The following CLSTN2 variants were observed in gnomAD, a reference collection of about 807,000 sequenced individuals.
The protein encoded by CLSTN2 is calsyntenin 2.
A neutral mutation model predicts 101.2 loss-of-function variants in CLSTN2; 48 were observed. That is an observed-to-expected ratio of 0.47 (90% confidence interval 0.38 to 0.60). The LOEUF is 0.60. Ranked by LOEUF, CLSTN2 falls within the 20% of genes least tolerant of loss-of-function variation. CLSTN2 has a pLI of 0.00. For synonymous variants in CLSTN2, 481 were observed against 463.6 expected, an observed-to-expected ratio of 1.04 and a Z score of -0.48; for missense variants, 1,160 against 1,238.2, an observed-to-expected ratio of 0.94 and a Z score of 0.95.
intron 2 of CLSTN2, among the ~76,000 whole-genome samples, chr3:140,214,269 A>G (rs890949533): frequency 6.6e-6 from 1 of 152,010 alleles, no homozygotes; most frequent in Non-Finnish European, 1.5e-5. Context: ...GTGAAACCCC[A>G]TCTCTACTGA....
intron 2 of CLSTN2, among the ~76,000 whole-genome samples, chr3:140,188,797 C>A (rs974092123): frequency 2.0e-5 from 3 of 152,096 alleles, no homozygotes; most frequent in African/African-American, 7.2e-5. Context: ...TACTCAGTTT[C>A]CCCCAGTGAT....
At chr3:140,012,873 G>T (rs2007116739) in intron 1 of CLSTN2, among the ~76,000 whole-genome samples, 1 of 152,232 alleles carries the variant, frequency 6.6e-6, no homozygotes, top group African/African-American at 2.4e-5. Flanking sequence ...AAATTTCAAG[G>T]TGTATCTGAA....
At chr3:140,169,783 A>G (rs934809536) in intron 1 of CLSTN2, among the ~76,000 whole-genome samples, 22 of 152,110 alleles carry the variant, frequency 1.4e-4, no homozygotes, top group Admixed American at 1.4e-3. Context: ...GAAGCTGGGT[A>G]GAACATTTCT....
chr3:140,422,171 C>T (rs1330575156), intron 5 of CLSTN2, among the ~76,000 whole-genome samples: 1 of 138,974 alleles, frequency 7.2e-6, no homozygotes, highest in Non-Finnish European at 1.5e-5. Context: ...CTTATATTCT[C>T]ATATTTTCTC....
At chr3:139,992,950 C>T (rs1255689133) in intron 1 of CLSTN2, among the ~76,000 whole-genome samples, 3 of 152,202 alleles carry the variant, frequency 2.0e-5, no homozygotes, top group Non-Finnish European at 2.9e-5. Flanking sequence ...CTTCTGCATC[C>T]TATTGGGACG....
At chr3:140,131,306 T>TA (rs1459638026) in intron 1 of CLSTN2, among the ~76,000 whole-genome samples, 7 of 13,854 alleles carry the variant, frequency 5.1e-4, no homozygotes, top group Admixed American at 2.5e-3. Context: ...TTCTTTATGA[T>TA]TTTTTTTTAA....
intron 1 of CLSTN2, among the ~76,000 whole-genome samples, chr3:139,957,315 A>G (rs1576376128): frequency 1.3e-5 from 2 of 152,228 alleles, no homozygotes; most frequent in African/African-American, 2.4e-5. Context: ...GGATGCCCTC[A>G]TCTTCTCCCT....
At chr3:140,062,967 A>C (rs566615256) in intron 1 of CLSTN2, among the ~76,000 whole-genome samples, 1 of 152,322 alleles carries the variant, frequency 6.6e-6, no homozygotes, top group Non-Finnish European at 1.5e-5. Flanking sequence ...ATTGAAGTAG[A>C]GTTATCAAAA....
intron 2 of CLSTN2, among the ~76,000 whole-genome samples, chr3:140,213,814 G>A (rs1239873205): frequency 6.6e-6 from 1 of 152,062 alleles, no homozygotes; most frequent in Non-Finnish European, 1.5e-5. Context: ...GTAAGATTGG[G>A]GCTCGAATCC....
intron 8 of CLSTN2, among the ~76,000 whole-genome samples, chr3:140,494,291 A>C (rs977337087): frequency 1.3e-5 from 2 of 152,194 alleles, no homozygotes; most frequent in African/African-American, 2.4e-5. Context: ...GCAAAAGTTT[A>C]TGACGTTCTC....
At chr3:140,337,972 C>G (rs2087458887) in intron 2 of CLSTN2, among the ~76,000 whole-genome samples, 1 of 152,254 alleles carries the variant, frequency 6.6e-6, no homozygotes, top group Admixed American at 6.5e-5. Flanking sequence ...AGTCATGGAG[C>G]TAGGGAGTGA....
intron 2 of CLSTN2, among the ~76,000 whole-genome samples, chr3:140,267,271 ATGAGGAGAATGCAGCT>A (rs1184810033): frequency 6.6e-6 from 1 of 152,190 alleles, no homozygotes; most frequent in African/African-American, 2.4e-5. Context: ...AAAAAGCAGA[ATGAGGAGAATGCAGCT>A]TGAGGAGAAA....
intron 2 of CLSTN2, among the ~76,000 whole-genome samples, chr3:140,247,466 C>A (rs2086527417): frequency 6.6e-6 from 1 of 152,152 alleles, no homozygotes; most frequent in African/African-American, 2.4e-5. Flanking sequence ...TTACATGAAG[C>A]CACTTTTATT....
At chr3:140,478,117 T>A (rs1934026686) in intron 8 of CLSTN2, among the ~76,000 whole-genome samples, 1 of 152,232 alleles carries the variant, frequency 6.6e-6, no homozygotes, top group African/African-American at 2.4e-5. Flanking sequence ...CTGGTTTATT[T>A]CTTTCACTGC....
chr3:140,192,252 A>G (rs2107836877), intron 2 of CLSTN2, among the ~76,000 whole-genome samples: 1 of 151,980 alleles, frequency 6.6e-6, no homozygotes, highest in East Asian at 1.9e-4. Context: ...CTATCTCAGT[A>G]GATATTCTGT....
At chr3:140,528,246 T>C (rs551732697) in intron 8 of CLSTN2, among the ~76,000 whole-genome samples, 1 of 152,332 alleles carries the variant, frequency 6.6e-6, no homozygotes, top group East Asian at 1.9e-4. Flanking sequence ...GGATTGTTTT[T>C]ATGACTATCA....
intron 1 of CLSTN2, among the ~76,000 whole-genome samples, chr3:140,020,841 T>C (rs2007299272): frequency 6.6e-6 from 1 of 152,196 alleles, no homozygotes. Flanking sequence ...TGCTGATCAA[T>C]CATTGCACGA....
At chr3:140,080,153 A>G (rs1474719327) in intron 1 of CLSTN2, among the ~76,000 whole-genome samples, 1 of 152,214 alleles carries the variant, frequency 6.6e-6, no homozygotes, top group Non-Finnish European at 1.5e-5. Flanking sequence ...ATGATAGAGC[A>G]AGGATATTGT....
chr3:140,203,786 A>G (rs978303275), intron 2 of CLSTN2, among the ~76,000 whole-genome samples: 2 of 152,172 alleles, frequency 1.3e-5, no homozygotes, highest in African/African-American at 4.8e-5. Flanking sequence ...GAGCAGTGGT[A>G]GGAACAATGA....
Sources: gnomAD v4.1 joint callset for allele counts (sites outside exome capture counted in the v4.1 genomes callset) on GRCh38, gnomAD v4.1.1 for gene constraint, MANE v1.5 for transcripts, NCBI Gene and HGNC (gene_info 2026-07-23, HGNC 2026-07-21) for gene names.